RNF180: variants seen among roughly 807,000 people sequenced by gnomAD.
RNF180 encodes E3 ubiquitin-protein ligase RNF180.
Under a neutral mutation model 59.2 loss-of-function variants are expected in RNF180, and 38 were observed. The ratio of observed to expected loss-of-function variants is 0.64; its 90% CI spans 0.50 to 0.84. The LOEUF is 0.84. RNF180 is among the 40% of genes least tolerant of loss of function. The probability of loss-of-function intolerance (pLI) is 0.00; values close to 1 mark genes in which losing one functional copy is unlikely to be tolerated. For missense variants in RNF180, 705 were observed against 700.9 expected, an observed-to-expected ratio of 1.01 and a Z score of -0.07; for synonymous variants, 262 against 240.3, an observed-to-expected ratio of 1.09 and a Z score of -0.84.
At chr5:64,214,872 G>GT (rs1009354145) in intron 4 of RNF180, among the ~76,000 whole-genome samples, 8 of 151,610 alleles carry the variant, frequency 5.3e-5, no homozygotes, top group Non-Finnish European at 8.8e-5. Flanking sequence ...TTGAAAAAAT[G>GT]TTTTTTTTAA....
chr5:64,171,743 G>A (rs1444437295), intron 1 of RNF180, among the ~76,000 whole-genome samples: 1 of 152,170 alleles, frequency 6.6e-6, no homozygotes, highest in Non-Finnish European at 1.5e-5. Flanking sequence ...GGAGTACCAA[G>A]TGGCTGTCTT....
intron 5 of RNF180, among the ~76,000 whole-genome samples, chr5:64,324,509 T>C (rs2112520302): frequency 6.6e-6 from 1 of 152,336 alleles, no homozygotes; most frequent in South Asian, 2.1e-4. Context: ...CTCATCATCG[T>C]TATAACAAGA....
At chr5:64,235,894 T>C (rs1286266749) in intron 5 of RNF180, among the ~76,000 whole-genome samples, 1 of 152,238 alleles carries the variant, frequency 6.6e-6, no homozygotes, top group Admixed American at 6.5e-5. Context: ...GGGTCCTCCC[T>C]AGCCATGTGG....
rs1746149021 is a variant in RNF180 at position 64,359,248 on chromosome 5, C to A, written c.1580-10367C>A. The stretch of plus-strand genomic sequence containing the variant: ...ATGGTTGAACTAGTTTACAGTCCCA[C>A]CAACAGTGTAAAAGTGTTCCTATTT... On this transcript the variant is annotated intron_variant, in intron 7 of 7. Transcript: ENST00000389100. Among the ~76,000 whole-genome samples the A allele has an allele frequency of 2.7e-5, 4 of 149,354 alleles. No homozygotes were observed. The South Asian group carries it at 6.5e-4, about 24-fold the overall frequency.
chr5:64,332,790 C>T lies in RNF180; in HGVS notation c.1579+2384C>T, dbSNP rs1045861451. On this transcript the variant is annotated intron_variant, in intron 7 of 7. Coordinates refer to ENST00000389100, the MANE Select transcript of RNF180 (RefSeq NM_001113561.2). Reference sequence around the variant, plus strand: ...TTTAACAATTATGACATTATGGGACCTGGTAGAAAAGTCCAGATATGAGGA... The same window carrying T: ...TTTAACAATTATGACATTATGGGACTTGGTAGAAAAGTCCAGATATGAGGA... 2.0e-5 allele frequency among the ~76,000 whole-genome samples: 3 copies of T among 152,244 alleles called. No individual in the cohort carries two copies. In the South Asian group the frequency reaches 6.2e-4, roughly 32 times the overall value.
At chr5:64,281,240 TC>T (rs1741995645) in intron 5 of RNF180, among the ~76,000 whole-genome samples, 1 of 152,182 alleles carries the variant, frequency 6.6e-6, no homozygotes, top group Non-Finnish European at 1.5e-5. Context: ...TAAAATCATA[TC>T]ATCCATGAAG....
intron 5 of RNF180, among the ~76,000 whole-genome samples, chr5:64,285,545 G>C (rs140751215): frequency 2.6e-5 from 4 of 152,072 alleles, no homozygotes; most frequent in African/African-American, 9.6e-5. Context: ...CATCATGTGG[G>C]TCAAGTCAGC....
At chr5:64,275,682 G>C (rs1008880990) in intron 5 of RNF180, among the ~76,000 whole-genome samples, 15 of 151,754 alleles carry the variant, frequency 9.9e-5, no homozygotes, top group Admixed American at 8.6e-4. Flanking sequence ...TTTCTCCCTG[G>C]GTCTGGGTCC....
intron 2 of RNF180, among the ~76,000 whole-genome samples, chr5:64,208,210 CAT>C (rs770038345): frequency 2.0e-4 from 30 of 152,024 alleles, no homozygotes; most frequent in Non-Finnish European, 4.0e-4. Context: ...CATTTACAAA[CAT>C]AATGTTGTCA....
chr5:64,314,772 A>G (rs893562061), intron 5 of RNF180, among the ~76,000 whole-genome samples: 2 of 152,192 alleles, frequency 1.3e-5, no homozygotes, highest in Non-Finnish European at 2.9e-5. Flanking sequence ...GTATTCTCAT[A>G]TCTGCTTCTG....
At chr5:64,220,856 GTCA>G (rs1287188002) in intron 5 of RNF180, among the ~76,000 whole-genome samples, 1 of 151,946 alleles carries the variant, frequency 6.6e-6, no homozygotes, top group Non-Finnish European at 1.5e-5. Context: ...AAATCACTGA[GTCA>G]TCTACAGTAA....
intron 4 of RNF180, among the ~76,000 whole-genome samples, chr5:64,216,241 G>A (rs1032277868): frequency 9.2e-5 from 14 of 152,060 alleles, no homozygotes; most frequent in African/African-American, 2.7e-4. Flanking sequence ...AGTATACATC[G>A]CAGTTAGAAC....
intron 5 of RNF180, among the ~76,000 whole-genome samples, chr5:64,274,164 G>A (rs1741586773): frequency 6.6e-6 from 1 of 151,932 alleles, no homozygotes; most frequent in South Asian, 2.1e-4. Context: ...AATCTTAACG[G>A]TTAATCATTC....
chr5:64,231,157 G>A (rs1160750063), intron 5 of RNF180, among the ~76,000 whole-genome samples: 1 of 152,216 alleles, frequency 6.6e-6, no homozygotes, highest in African/African-American at 2.4e-5. Context: ...CTACCTCACA[G>A]TGTTGCCTGG....
rs1561280072 is a variant in RNF180, at chr5:64,359,253, A to C, written c.1580-10362A>C. Among the ~76,000 whole-genome samples, 5 of 148,696 alleles carry C rather than the reference A, an allele frequency of 3.4e-5. No individual in the cohort carries two copies. The South Asian group carries it at 1.1e-3, about 32-fold the overall frequency. ...TGAACTAGTTTACAGTCCCACCAAC[A>C]GTGTAAAAGTGTTCCTATTTCTCCA... On this transcript the variant is annotated intron_variant, in intron 7 of 7. Coordinates refer to ENST00000389100, the MANE Select transcript of RNF180 (RefSeq NM_001113561.2).
At chr5:64,253,183 T>TC (rs1743696959) in intron 5 of RNF180, among the ~76,000 whole-genome samples, 1 of 152,186 alleles carries the variant, frequency 6.6e-6, no homozygotes, top group South Asian at 2.1e-4. Flanking sequence ...TCTGAGTTTG[T>TC]CAGCTTTGAA....
At chr5:64,360,092 G>A (rs1308114694) in intron 7 of RNF180, among the ~76,000 whole-genome samples, 1 of 151,754 alleles carries the variant, frequency 6.6e-6, no homozygotes, top group East Asian at 1.9e-4. Flanking sequence ...TTGTTCTATT[G>A]GCTTAGGATT....
intron 7 of RNF180, among the ~76,000 whole-genome samples, chr5:64,343,418 C>G (rs1231377365): frequency 6.6e-6 from 1 of 151,776 alleles, no homozygotes; most frequent in Non-Finnish European, 1.5e-5. Flanking sequence ...CCTGAAGGAA[C>G]AAGAAGGGAA....
At chr5:64,294,342 T>C (rs1443937313) in intron 5 of RNF180, among the ~76,000 whole-genome samples, 1 of 152,138 alleles carries the variant, frequency 6.6e-6, no homozygotes, top group Admixed American at 6.6e-5. Context: ...AAACATCTCA[T>C]TTGCCCCATA....
Sources: gnomAD v4.1 joint callset for allele counts (sites outside exome capture counted in the v4.1 genomes callset) on GRCh38, gnomAD v4.1.1 for gene constraint, MANE v1.5 for transcripts, NCBI Gene and HGNC (gene_info 2026-07-23, HGNC 2026-07-21) for gene names.